The following HDAC9 variants were observed in gnomAD, a reference collection of about 807,000 sequenced individuals.
HDAC9 encodes the protein histone deacetylase 9.
In HDAC9, 41 loss-of-function variants were observed where a neutral mutation model predicts 139.4. That is an observed-to-expected ratio of 0.29 (90% CI 0.23 to 0.38). The LOEUF is 0.38. HDAC9 is among the 10% of genes least tolerant of loss of function. The pLI is 1.00. For synonymous variants in HDAC9, 517 were observed against 476.2 expected (o/e 1.09, Z -1.12); for missense variants, 1,147 against 1,297.0 (o/e 0.88, Z 1.78).
chr7:18,668,856 C>T, intron 12 of HDAC9: 1 of 983,400 alleles, frequency 1.0e-6, no homozygotes. Context: ...CCCTTTCATA[C>T]ACTTGGCTTT....
At chr7:18,428,557 C>A (rs1790336854) in intron 1 of HDAC9, among the ~76,000 whole-genome samples, 1 of 152,112 alleles carries the variant, frequency 6.6e-6, no homozygotes, top group South Asian at 2.1e-4. Context: ...CAAGTTAAAA[C>A]CACAGTGAAA....
At chr7:18,701,651 G>A (rs17139704) in intron 12 of HDAC9, among the ~76,000 whole-genome samples, 4,058 of 152,140 alleles carry the variant, frequency 0.027, 193 homozygotes, top group African/African-American at 0.091. Flanking sequence ...AAATAATTTC[G>A]TCATGGGAAT....
chr7:18,386,681 C>G (rs1050235579), intron 1 of HDAC9, among the ~76,000 whole-genome samples: 9 of 152,172 alleles, frequency 5.9e-5, no homozygotes, highest in African/African-American at 2.2e-4. Context: ...GTAATCAAAG[C>G]AACTCATCAC....
intron 2 of HDAC9, among the ~76,000 whole-genome samples, chr7:18,227,391 G>A (rs1392438820): frequency 6.6e-6 from 1 of 152,158 alleles, no homozygotes; most frequent in East Asian, 1.9e-4. Flanking sequence ...GTTTATGGGA[G>A]GAGAAAGGAA....
chr7:18,505,485 T>C (rs1380116931), intron 2 of HDAC9, among the ~76,000 whole-genome samples: 1 of 152,222 alleles, frequency 6.6e-6, no homozygotes, highest in African/African-American at 2.4e-5. Flanking sequence ...AGTTTCTACT[T>C]ATTTTGAATA....
chr7:18,556,160 G>A (rs1818735247), intron 2 of HDAC9, among the ~76,000 whole-genome samples: 1 of 152,060 alleles, frequency 6.6e-6, no homozygotes, highest in African/African-American at 2.4e-5. Context: ...AATCATGGCT[G>A]TATTTAAATA....
intron 2 of HDAC9, among the ~76,000 whole-genome samples, chr7:18,533,961 C>T (rs764190063): frequency 7.3e-5 from 11 of 151,710 alleles, no homozygotes; most frequent in South Asian, 2.1e-4. Flanking sequence ...CAAAGTGCAC[C>T]GTTCTTTATT....
chr7:18,299,781 G>T lies in HDAC9; in HGVS notation c.-42+9266G>T, dbSNP rs184532414. 9.5e-4 allele frequency among the ~76,000 whole-genome samples: 145 copies of T among 152,288 alleles called. 1 individual carries two copies. The highest frequency in any genetic ancestry group is 3.0e-3 in the African/African-American group (126 of 41,558). ...GAAAATCTCCAGAATTAGTCATTCA[G>T]GGGCTCTGCAATGTAGATCTGAAGC... On this transcript the variant is annotated intron_variant, in intron 1 of 3. Coordinates refer to the HDAC9 transcript ENST00000413509.
intron 12 of HDAC9, among the ~76,000 whole-genome samples, chr7:18,695,619 G>T (rs981693323): frequency 6.6e-6 from 1 of 152,156 alleles, no homozygotes; most frequent in East Asian, 1.9e-4. Flanking sequence ...TAGAGATACA[G>T]GATTTAGTTT....
At chr7:18,713,216 A>C (rs768049375) in intron 12 of HDAC9, among the ~76,000 whole-genome samples, 1 of 152,212 alleles carries the variant, frequency 6.6e-6, no homozygotes, top group Non-Finnish European at 1.5e-5. Flanking sequence ...GTGACAATTT[A>C]TGACAACTAA....
At chr7:18,770,502 A>G (rs1037516026) in intron 16 of HDAC9, among the ~76,000 whole-genome samples, 3 of 152,068 alleles carry the variant, frequency 2.0e-5, no homozygotes, top group East Asian at 1.9e-4. Flanking sequence ...TCTTGAAGTC[A>G]TTTCTCAGCC....
At chr7:18,691,444 T>C (rs1782667545) in intron 12 of HDAC9, among the ~76,000 whole-genome samples, 1 of 152,030 alleles carries the variant, frequency 6.6e-6, no homozygotes, top group Admixed American at 6.6e-5. Flanking sequence ...TCGTAAGCAG[T>C]ATAAAACTAA....
intron 3 of HDAC9, among the ~76,000 whole-genome samples, chr7:18,586,282 T>A (rs1040202277): frequency 1.6e-4 from 24 of 152,222 alleles, no homozygotes; most frequent in Admixed American, 5.2e-4. Context: ...AAATATTACT[T>A]TAGCTTTATT....
At chr7:18,553,810 C>G (rs1817884997) in intron 2 of HDAC9, among the ~76,000 whole-genome samples, 1 of 152,110 alleles carries the variant, frequency 6.6e-6, no homozygotes, top group South Asian at 2.1e-4. Flanking sequence ...TCTGGTAATG[C>G]CCCTGATGGT....
intron 2 of HDAC9, among the ~76,000 whole-genome samples, chr7:18,557,339 G>GTTT (rs34667664): frequency 5.8e-5 from 8 of 137,412 alleles, no homozygotes; most frequent in Non-Finnish European, 1.1e-4. Context: ...GCAATGATGA[G>GTTT]TTTTTTTTTT....
intron 17 of HDAC9, among the ~76,000 whole-genome samples, chr7:18,820,917 A>G (rs77132554): frequency 0.076 from 11,630 of 152,262 alleles, 569 homozygotes; most frequent in Middle Eastern, 0.11. Flanking sequence ...GTCCATTTGT[A>G]CTGCTGTAAC....
intron 24 of HDAC9, among the ~76,000 whole-genome samples, chr7:18,970,975 C>A (rs933069641): frequency 2.0e-5 from 3 of 152,096 alleles, no homozygotes; most frequent in African/African-American, 4.8e-5. Flanking sequence ...CATGAGTCAA[C>A]AACTGCCTAT....
intron 22 of HDAC9, among the ~76,000 whole-genome samples, chr7:18,927,001 T>C (rs949076128): frequency 1.3e-5 from 2 of 152,206 alleles, no homozygotes; most frequent in African/African-American, 4.8e-5. Context: ...CCGGATTCAG[T>C]GAACTTGGAA....
At chr7:18,364,303 C>G (rs1172634145) in intron 1 of HDAC9, among the ~76,000 whole-genome samples, 1 of 152,044 alleles carries the variant, frequency 6.6e-6, no homozygotes, top group Non-Finnish European at 1.5e-5. Flanking sequence ...AAAAATTTCT[C>G]ATGGATTCCT....
Sources: gnomAD v4.1 joint callset for allele counts (sites outside exome capture counted in the v4.1 genomes callset) on GRCh38, gnomAD v4.1.1 for gene constraint, MANE v1.5 for transcripts, NCBI Gene and HGNC (gene_info 2026-07-23, HGNC 2026-07-21) for gene names.